Variants in SYTL2 observed in about 807,000 individuals in gnomAD.
SYTL2 encodes the protein synaptotagmin like 2.
A neutral mutation model predicts 198.7 loss-of-function variants in SYTL2; 165 were observed. The ratio of observed to expected loss-of-function variants is 0.83; its 90% CI spans 0.73 to 0.94. SYTL2 has a LOEUF of 0.94. SYTL2 is among the 40% of genes least tolerant of loss of function. SYTL2 has a pLI of 0.00. For synonymous variants in SYTL2, 966 were observed against 917.7 expected (o/e 1.05, Z -0.95); for missense variants, 2,835 against 2,582.8 (o/e 1.10, Z -2.12).
At chr11:85,782,911 A>G (rs1341175516) in intron 1 of SYTL2, among the ~76,000 whole-genome samples, 2 of 152,220 alleles carry the variant, frequency 1.3e-5, no homozygotes, top group Admixed American at 1.3e-4. Flanking sequence ...TTTGGTCAAA[A>G]CCATTCAACA....
At chr11:85,779,512 G>A (rs965209413) in intron 1 of SYTL2, among the ~76,000 whole-genome samples, 1 of 152,054 alleles carries the variant, frequency 6.6e-6, no homozygotes, top group Non-Finnish European at 1.5e-5. Flanking sequence ...ACTATGTTGT[G>A]TATAGATATG....
In SYTL2 at chr11:85,734,359, G is replaced by C. The variant is rs765465082; in HGVS notation, c.970C>G (p.Pro324Ala). 1.9e-6 allele frequency: 3 copies of C among 1,614,144 alleles called. No homozygotes were observed. The highest frequency in any genetic ancestry group is 1.1e-5 in the South Asian group (1 of 91,080). ...KEHSLEDNSSPNSLEPLKHVR... is the reference protein window; with the variant it reads ...KEHSLEDNSSANSLEPLKHVR... ...TGCTTTAATGGCTCCAGGGAGTTTG[G>C]GGAAGAGTTGTCTTCTAAAGAATGC... The change falls in exon 7 of 20, where the codon CCA becomes GCA. Residue 324 changes from proline (P) to alanine (A), a missense_variant. Coordinates refer to ENST00000359152, the MANE Select transcript of SYTL2 (RefSeq NM_206927.4).
chr11:85,776,236 C>T (rs2092449118), intron 1 of SYTL2, among the ~76,000 whole-genome samples: 1 of 152,166 alleles, frequency 6.6e-6, no homozygotes. Flanking sequence ...AACTTCCCAG[C>T]CATCAGAATC....
chr11:85,854,472 G>A, the SYTL2 span: 1 of 151,796 alleles, frequency 6.6e-6, no homozygotes, highest in African/African-American at 2.4e-5. Context: ...GGGAAATGCT[G>A]GACTTAAATT....
rs778156095 is a variant in SYTL2 at position 85,717,850 on chromosome 11, GTGAC to G, written c.5483-324_5483-321del. On this transcript the variant is annotated intron_variant, in intron 10 of 19. Coordinates refer to ENST00000359152, the MANE Select transcript of SYTL2 (RefSeq NM_206927.4). ...TGAGATTCTATTTCCTGCCCTCCCA[GTGAC>G]TGACTAACTATAGGATCTTAGAAAA... 218 of 393,696 alleles carry G rather than the reference GTGAC, an allele frequency of 5.5e-4. 1 individual carries two copies. Among genetic ancestry groups the G allele is most frequent in the Middle Eastern group, 2.5e-3 (7 of 2,800 alleles). 24.4% of individuals were successfully genotyped at this position (393,696 alleles called of 1,614,324 possible).
At chr11:85,831,099 G>T in the SYTL2 span, among the ~76,000 whole-genome samples, 1 of 152,272 alleles carries the variant, frequency 6.6e-6, no homozygotes, top group African/African-American at 2.4e-5. Flanking sequence ...AAATAATAAA[G>T]ATTGTTGCTG....
At position 85,734,764 on chromosome 11, in the gene SYTL2, G is replaced by T. The variant is rs760663257; in HGVS notation, c.587-22C>A. On this transcript the variant is annotated intron_variant, in intron 6 of 19. Coordinates refer to ENST00000359152, the MANE Select transcript of SYTL2 (RefSeq NM_206927.4). ...TCATCTGAAAATTAAAACACAGTAGGTGATATATCATATAGAGAGTAATAT... is the reference window on the plus strand; with the variant it reads ...TCATCTGAAAATTAAAACACAGTAGTTGATATATCATATAGAGAGTAATAT... 1.9e-6 allele frequency: 3 copies of T among 1,550,492 alleles called. No individual in the cohort carries two copies. The Admixed American group carries it at 5.3e-5, about 27-fold the overall frequency.
At chr11:85,717,607 T>G in intron 10 of SYTL2, 77 bp from the exon 11 acceptor site, 1 of 1,262,422 alleles carries the variant, frequency 7.9e-7, no homozygotes, top group Non-Finnish European at 1.2e-6. Flanking sequence ...AAAGCTCAAA[T>G]GTCAGTTTCA....
At chr11:85,756,330 C>T (rs2091865065) in intron 2 of SYTL2, among the ~76,000 whole-genome samples, 1 of 152,172 alleles carries the variant, frequency 6.6e-6, no homozygotes, top group East Asian at 1.9e-4. Context: ...AGCATGATCC[C>T]CACTACCTAC....
chr11:85,833,011 AAAAG>A, the SYTL2 span, among the ~76,000 whole-genome samples: 155 of 48,146 alleles, frequency 3.2e-3, 5 homozygotes, highest in Middle Eastern at 9.1e-3. Context: ...AAAAAGAAAG[AAAAG>A]AAAGAAAGAA....
At chr11:85,829,574 G>A in the SYTL2 span, among the ~76,000 whole-genome samples, 1 of 152,182 alleles carries the variant, frequency 6.6e-6, no homozygotes, top group Non-Finnish European at 1.5e-5. Context: ...ACCCAGTAGT[G>A]GGATTGCTGG....
the SYTL2 span, among the ~76,000 whole-genome samples, chr11:85,838,751 C>T: frequency 3.9e-5 from 6 of 152,094 alleles, no homozygotes; most frequent in African/African-American, 1.4e-4. Flanking sequence ...CTGGGGATTA[C>T]AATTAAACAT....
intron 1 of SYTL2, among the ~76,000 whole-genome samples, chr11:85,810,544 C>T (rs1001324796): frequency 4.6e-5 from 7 of 152,144 alleles, no homozygotes; most frequent in Non-Finnish European, 8.8e-5. Context: ...CCCTTCCCAA[C>T]ACCCCACCTG....
rs575598275 is a variant in SYTL2, at chr11:85,727,461, G to C, written c.1897C>G (p.Pro633Ala). 3.1e-4 allele frequency: 483 copies of C among 1,535,958 alleles called. 1 individual carries two copies. Among genetic ancestry groups the C allele is most frequent in the Non-Finnish European group, 4.0e-4 (460 of 1,146,846 alleles). Residue 633 changes from proline to alanine, a missense_variant, in exon 8 of 20, where the codon CCA (proline) becomes GCA (alanine). Pro to Ala is a conservative substitution (Grantham distance 27). This residue lies in a region of SYTL2 where 2,645 missense variants were observed against 2,381.7 expected (regional missense o/e 1.11). Coordinates refer to ENST00000359152, the MANE Select transcript of SYTL2 (RefSeq NM_206927.4). ...CTTGGGGTGCCATAGCTTTCAAATGGTTGCAATATACCTGGGCCTTCCTTT... is the reference window on the plus strand; with the variant it reads ...CTTGGGGTGCCATAGCTTTCAAATGCTTGCAATATACCTGGGCCTTCCTTT... ...TPKEGPGILQPFESYGTPSQG... is the reference protein window; with the variant it reads ...TPKEGPGILQAFESYGTPSQG...
chr11:85,807,032 A>G (rs981786944), intron 1 of SYTL2, among the ~76,000 whole-genome samples: 6 of 152,232 alleles, frequency 3.9e-5, no homozygotes, highest in African/African-American at 1.4e-4. Context: ...TGGCACTCAC[A>G]TGCCCCCATG....
intron 10 of SYTL2, among the ~76,000 whole-genome samples, chr11:85,718,019 A>AGCTC (rs749562117): frequency 9.9e-5 from 15 of 152,232 alleles, no homozygotes; most frequent in Non-Finnish European, 2.1e-4. Context: ...ACCTTTAAGG[A>AGCTC]GCTCTGTTGC....
the SYTL2 span, among the ~76,000 whole-genome samples, chr11:85,839,196 A>T: frequency 6.6e-6 from 1 of 152,212 alleles, no homozygotes. Flanking sequence ...AGGAACTTGC[A>T]TTCTTGATTT....
Position 85,707,267 on chromosome 11 carries a change from A to G in SYTL2, c.6018+162T>C, listed in dbSNP as rs550139622. On this transcript the variant is annotated intron_variant, in intron 15 of 19. Transcript: ENST00000359152. The stretch of plus-strand genomic sequence containing the variant: ...GAGTGAATGAAATAACGTATACAAC[A>G]TTCAGGTTGTTTTGTCTCAAACAAA... 1.2e-3 allele frequency among the ~76,000 whole-genome samples: 182 copies of G among 152,274 alleles called. 3 individuals carry two copies. The highest frequency in any genetic ancestry group is 4.3e-3 in the African/African-American group (179 of 41,550).
At position 85,724,834 on chromosome 11, in the gene SYTL2, T is replaced by C; in HGVS notation, c.4524A>G (p.Glu1508=). Residue 1508 remains glutamate (E), a synonymous_variant, in exon 8 of 20, where the codon GAA becomes GAG. Coordinates refer to ENST00000359152, the MANE Select transcript of SYTL2 (RefSeq NM_206927.4). Reference sequence around the variant, plus strand: ...CATATTTTGAGGGGAAGGTTTCAGTTTCTTCCTTCAGTAGTTTTTCTAAGC... The same window carrying C: ...CATATTTTGAGGGGAAGGTTTCAGTCTCTTCCTTCAGTAGTTTTTCTAAGC... ...SAGLEKLLKE[E]TETFPSKYES... 4.3e-6 allele frequency: 7 copies of C among 1,613,612 alleles called. No homozygotes were observed. The highest frequency in any genetic ancestry group is 5.9e-6 in the Non-Finnish European group (7 of 1,179,894).
Sources: gnomAD v4.1 joint callset for allele counts (sites outside exome capture counted in the v4.1 genomes callset) on GRCh38, gnomAD v4.1.1 for gene constraint, gnomAD v4.1.1 regional missense constraint, MANE v1.5 for transcripts, NCBI Gene and HGNC (gene_info 2026-07-23, HGNC 2026-07-21) for gene names.